CACNA2D2: variants seen among roughly 807,000 people sequenced by gnomAD.
The protein encoded by CACNA2D2 is calcium voltage-gated channel auxiliary subunit alpha2delta 2.
A neutral mutation model predicts 166.4 loss-of-function variants in CACNA2D2; 48 were observed. The ratio of observed to expected loss-of-function variants is 0.29; its 90% CI spans 0.23 to 0.37. The LOEUF is 0.37. Among genes scored for constraint, CACNA2D2 ranks in the 10% least tolerant of loss-of-function variants. CACNA2D2 has a pLI of 1.00. For missense variants in CACNA2D2, 1,122 were observed against 1,433.0 expected, an observed-to-expected ratio of 0.78 and a Z score of 3.50; for synonymous variants, 561 against 573.7, an observed-to-expected ratio of 0.98 and a Z score of 0.32.
At chr3:50,383,400 C>G (rs1433967353) in intron 6 of CACNA2D2, among the ~76,000 whole-genome samples, 2 of 152,220 alleles carry the variant, frequency 1.3e-5, no homozygotes, top group Non-Finnish European at 2.9e-5. Flanking sequence ...CAAGGCTACT[C>G]TGTAGGTGCC....
chr3:50,378,550 G>A (rs80142410), intron 13 of CACNA2D2, among the ~76,000 whole-genome samples: 1 of 152,374 alleles, frequency 6.6e-6, no homozygotes, highest in East Asian at 1.9e-4. Context: ...AGAGCAGGGG[G>A]CAGAGATGGG....
At chr3:50,427,000 CCAGACAGAGATG>C (rs1320261533) in intron 3 of CACNA2D2, among the ~76,000 whole-genome samples, 1 of 152,174 alleles carries the variant, frequency 6.6e-6, no homozygotes, top group African/African-American at 2.4e-5. Context: ...TTCTCGACTG[CCAGACAGAGATG>C]CAGGCAGGGG....
intron 1 of CACNA2D2, among the ~76,000 whole-genome samples, chr3:50,491,271 T>C (rs910762639): frequency 6.6e-6 from 1 of 152,134 alleles, no homozygotes; most frequent in Non-Finnish European, 1.5e-5. Flanking sequence ...AGGATCCCTT[T>C]CTATGGAGGG....
rs753961883 is a variant in CACNA2D2, at chr3:50,364,684, G to T, written c.3414C>A (p.His1138Gln). 2 of 1,536,492 alleles carry T rather than the reference G, an allele frequency of 1.3e-6. No homozygotes were observed. The highest frequency in any genetic ancestry group is 1.4e-5 in the African/African-American group (1 of 72,388). ...PPRPQPQVLV[H>Q]ASRRL The stretch of plus-strand genomic sequence containing the variant: ...AGGGTGCTCAGAGGCGGCGAGAGGC[G>T]TGGACGAGGACTTGAGGCTGCGGCC... The change falls in exon 38 of 38, where the codon CAC (histidine) becomes CAA (glutamine). Residue 1138 changes from histidine to glutamine, a missense_variant. His to Gln is a conservative substitution (Grantham distance 24). Transcript: ENST00000424201.
At chr3:50,443,708 G>A (rs879330743) in intron 2 of CACNA2D2, among the ~76,000 whole-genome samples, 10 of 152,208 alleles carry the variant, frequency 6.6e-5, no homozygotes, top group South Asian at 2.1e-4. Flanking sequence ...GAGTTGGGCC[G>A]CTGCCTTGCC....
intron 2 of CACNA2D2, among the ~76,000 whole-genome samples, chr3:50,448,588 T>C (rs1468426976): frequency 1.3e-5 from 2 of 152,176 alleles, no homozygotes; most frequent in East Asian, 3.9e-4. Context: ...CCCAGGTTTA[T>C]GGCGCATGTT....
intron 2 of CACNA2D2, among the ~76,000 whole-genome samples, chr3:50,450,910 A>G (rs939429267): frequency 6.6e-5 from 10 of 152,156 alleles, no homozygotes; most frequent in Non-Finnish European, 1.3e-4. Context: ...AGTCCTGGAC[A>G]TGGGACCTGC....
At chr3:50,431,218 T>C (rs1708047309) in intron 3 of CACNA2D2, among the ~76,000 whole-genome samples, 1 of 151,876 alleles carries the variant, frequency 6.6e-6, no homozygotes, top group Non-Finnish European at 1.5e-5. Context: ...CAAACAAATG[T>C]GAAAAAGGAG....
At chr3:50,370,449 C>T (rs903762479) in intron 22 of CACNA2D2, 69 bp from the exon 23 acceptor site, 50 of 230,242 alleles carry the variant, frequency 2.2e-4, no homozygotes, top group African/African-American at 1.7e-3. Context: ...TCAGAGCTGA[C>T]GGGGCTGGAA....
At chr3:50,388,757 G>A (rs1405774936) in intron 4 of CACNA2D2, among the ~76,000 whole-genome samples, 1 of 152,238 alleles carries the variant, frequency 6.6e-6, no homozygotes, top group African/African-American at 2.4e-5. Context: ...TGTGGTGACT[G>A]CCCACGGGCT....
intron 3 of CACNA2D2, among the ~76,000 whole-genome samples, chr3:50,429,765 G>A (rs1464703880): frequency 6.7e-6 from 1 of 149,876 alleles, no homozygotes; most frequent in African/African-American, 2.5e-5. Context: ...GTGAGACTCC[G>A]TCTCGAAAAA....
At chr3:50,452,766 A>C (rs1205046984) in intron 2 of CACNA2D2, among the ~76,000 whole-genome samples, 1 of 152,226 alleles carries the variant, frequency 6.6e-6, no homozygotes, top group Non-Finnish European at 1.5e-5. Context: ...TTATCACAAG[A>C]GTCAAAGATC....
intron 3 of CACNA2D2, among the ~76,000 whole-genome samples, chr3:50,412,298 G>A (rs1707054169): frequency 6.6e-6 from 1 of 152,242 alleles, no homozygotes; most frequent in Non-Finnish European, 1.5e-5. Context: ...CTGGCTGTGG[G>A]CCCTGCTCTG....
chr3:50,380,640 G>C lies in CACNA2D2; in HGVS notation c.842+108C>G. 2.2e-6 allele frequency: 2 copies of C among 907,402 alleles called. No individual in the cohort carries two copies. The highest frequency in any genetic ancestry group is 3.3e-6 in the Non-Finnish European group (2 of 613,472). 56.2% of individuals were successfully genotyped at this position (907,402 alleles called of 1,614,324 possible). On this transcript the variant is annotated intron_variant, in intron 8 of 37. Coordinates refer to ENST00000424201, the MANE Select transcript of CACNA2D2 (RefSeq NM_006030.4). This position sits in a 1 kb window ranked among gnomAD's most constrained non-coding sequence, Gnocchi z 4.9. ...ATGTGTGAAATGAAAATTGGATACA[G>C]CTGGCTGCGCCCTGCTAGGAGGCTT... is the stretch of plus-strand genomic sequence containing the variant.
At chr3:50,432,344 CCTGG>C (rs1158522045) in intron 3 of CACNA2D2, among the ~76,000 whole-genome samples, 1 of 152,244 alleles carries the variant, frequency 6.6e-6, no homozygotes, top group Non-Finnish European at 1.5e-5. Flanking sequence ...GCTGTGCCGG[CCTGG>C]CTGAGTGGCA....
intron 23 of CACNA2D2, among the ~76,000 whole-genome samples, chr3:50,369,928 G>A (rs1286590310): frequency 1.4e-5 from 2 of 147,896 alleles, no homozygotes; most frequent in African/African-American, 5.3e-5. Flanking sequence ...ACAGGACAAC[G>A]ATGGGGTGCG....
rs952080563 is a variant in CACNA2D2, at chr3:50,434,419, T to C, written c.299A>G (p.Asp100Gly). The C allele has an allele frequency of 3.1e-6, 5 of 1,613,826 alleles. No homozygotes were observed. Among genetic ancestry groups the C allele is most frequent in the Non-Finnish European group, 4.2e-6 (5 of 1,179,836 alleles). Residue 100 changes from aspartate (D) to glycine (G), a missense_variant, in exon 3 of 38, where the codon GAC becomes GGC. Around this residue, in one of 2 missense-constraint regions of CACNA2D2, gnomAD observed 840 missense variants for 1,166.8 expected, o/e 0.72. Coordinates refer to ENST00000424201, the MANE Select transcript of CACNA2D2 (RefSeq NM_006030.4). ...GVQQLREIYK[D>G]NRNLFEVQEN... ...CTGTACCTCGAACAGGTTCCGGTTG[T>C]CCTTGTAAATCTGGAAGGAAGCAGA...
intron 1 of CACNA2D2, among the ~76,000 whole-genome samples, chr3:50,496,276 C>T (rs892891394): frequency 1.3e-5 from 2 of 152,228 alleles, no homozygotes; most frequent in African/African-American, 4.8e-5. Context: ...CCTACTGCTG[C>T]CTACACACGA....
intron 1 of CACNA2D2, among the ~76,000 whole-genome samples, chr3:50,477,231 C>T (rs1015899672): frequency 1.3e-5 from 2 of 152,180 alleles, no homozygotes; most frequent in African/African-American, 4.8e-5. Flanking sequence ...GCCCGGCCCA[C>T]CCTGGGATTG....
Sources: gnomAD v4.1 joint callset for allele counts (sites outside exome capture counted in the v4.1 genomes callset) on GRCh38, gnomAD v4.1.1 for gene constraint, gnomAD v4.1.1 regional missense constraint, Gnocchi (gnomAD v3.1) non-coding constraint, MANE v1.5 for transcripts, NCBI Gene and HGNC (gene_info 2026-07-23, HGNC 2026-07-21) for gene names.